The following ZMYM2 variants were observed in gnomAD, a reference collection of about 807,000 sequenced individuals.
ZMYM2 encodes zinc finger MYM-type containing 2.
Under a neutral mutation model 162.8 loss-of-function variants are expected in ZMYM2, and 56 were observed. The observed-to-expected ratio is 0.34, with a 90% confidence interval of 0.28 to 0.43. The LOEUF (loss-of-function observed/expected upper bound fraction) is 0.43, where lower values mean the gene tolerates loss of function less well. Ranked by LOEUF, ZMYM2 falls within the 20% of genes least tolerant of loss-of-function variation. ZMYM2 has a pLI of 1.00. For missense variants in ZMYM2, 1,275 were observed against 1,621.8 expected (o/e 0.79, Z 3.67); for synonymous variants, 510 against 541.6 (o/e 0.94, Z 0.81).
At position 20,052,402 on chromosome 13, in the gene ZMYM2, A is replaced by AT; in HGVS notation, c.2493+98dup. 11 of 1,286,868 alleles carry AT rather than the reference A, an allele frequency of 8.5e-6. No individual in the cohort carries two copies. In the South Asian group the frequency reaches 9.4e-5, roughly 11 times the overall value. 79.7% of individuals were successfully genotyped at this position (1,286,868 alleles called of 1,614,324 possible). ...CCAATTTAATGTGATCATAATAGTA[A>AT]TTTTTTTGGTTTTTTTTTTGCTTTA... On this transcript the variant is annotated intron_variant, in intron 14 of 24. Transcript: ENST00000610343.
chr13:19,981,744 A>G (rs968660790), intron 2 of ZMYM2, among the ~76,000 whole-genome samples: 3 of 152,058 alleles, frequency 2.0e-5, no homozygotes, highest in Non-Finnish European at 2.9e-5. Context: ...CTCCCCTTAG[A>G]TAGTTACTGT....
At chr13:19,875,483 C>G in the ZMYM2 span, among the ~76,000 whole-genome samples, 1 of 151,854 alleles carries the variant, frequency 6.6e-6, no homozygotes, top group Non-Finnish European at 1.5e-5. Flanking sequence ...CAAAAATTAG[C>G]TGGGTGTGGA....
chr13:20,063,509 G>A (rs961732211), intron 18 of ZMYM2, among the ~76,000 whole-genome samples: 2 of 151,340 alleles, frequency 1.3e-5, no homozygotes, highest in African/African-American at 2.4e-5. Context: ...ATCTGGGTGC[G>A]GTGGCTTATG....
At chr13:20,009,611 A>G (rs1251497352) in intron 6 of ZMYM2, among the ~76,000 whole-genome samples, 3 of 152,112 alleles carry the variant, frequency 2.0e-5, no homozygotes, top group Non-Finnish European at 2.9e-5. Flanking sequence ...TTCTGTCTCT[A>G]TGAATTCGTA....
rs1949235005 is a variant in ZMYM2, at chr13:19,987,270, T to C, written c.-10-5793T>C. Among the ~76,000 whole-genome samples the C allele has an allele frequency of 5.9e-5, 9 of 151,340 alleles. No individual in the cohort carries two copies. The South Asian group carries it at 1.9e-3, about 32-fold the overall frequency. Reference sequence around the variant, plus strand: ...TGTAAATAAACAATGCAGCTCTTATTTTTTTTTTCTTGAGACAGAGTCTCT... The same window carrying C: ...TGTAAATAAACAATGCAGCTCTTATCTTTTTTTTCTTGAGACAGAGTCTCT... On this transcript the variant is annotated intron_variant, in intron 2 of 24. Transcript: ENST00000610343.
At chr13:20,008,221 C>T (rs1163514197) in intron 6 of ZMYM2, among the ~76,000 whole-genome samples, 1 of 152,144 alleles carries the variant, frequency 6.6e-6, no homozygotes, top group East Asian at 1.9e-4. Flanking sequence ...TCTACTTTTC[C>T]TGGGTTCAAA....
the ZMYM2 span, among the ~76,000 whole-genome samples, chr13:19,902,567 G>A: frequency 2.0e-5 from 3 of 152,126 alleles, no homozygotes; most frequent in East Asian, 3.9e-4. Context: ...AGTGAGCCGA[G>A]ATCGTGCCAT....
chr13:20,060,328 C>T (rs951327852), intron 16 of ZMYM2, among the ~76,000 whole-genome samples: 18 of 152,254 alleles, frequency 1.2e-4, no homozygotes, highest in African/African-American at 3.9e-4. Flanking sequence ...TGACATTTCG[C>T]GGATGTCTGT....
At chr13:20,036,171 G>A (rs958522588) in intron 11 of ZMYM2, among the ~76,000 whole-genome samples, 1 of 152,036 alleles carries the variant, frequency 6.6e-6, no homozygotes, top group Non-Finnish European at 1.5e-5. Context: ...ATAAGGATAT[G>A]TAAAAATACT....
rs931743137 is a variant in ZMYM2, at chr13:20,019,252, T to G, written c.1513-295T>G. Among the ~76,000 whole-genome samples, 6 of 152,332 alleles carry G rather than the reference T, an allele frequency of 3.9e-5. No individual in the cohort carries two copies. In the East Asian group the frequency reaches 1.2e-3, roughly 29 times the overall value. ...ATCTTAGAACACTCCAAATTAGAAGTGATTTTACTCAGAAATTAGAGGTGA... is the reference window on the plus strand; with the variant it reads ...ATCTTAGAACACTCCAAATTAGAAGGGATTTTACTCAGAAATTAGAGGTGA... On this transcript the variant is annotated intron_variant, in intron 6 of 24. Coordinates refer to ENST00000610343, the MANE Select transcript of ZMYM2 (RefSeq NM_197968.4).
At chr13:20,004,999 G>A in intron 4 of ZMYM2, 75 bp from the exon 5 acceptor site, 1 of 1,267,728 alleles carries the variant, frequency 7.9e-7, no homozygotes, top group Non-Finnish European at 1.1e-6. Context: ...CTATAGAAAT[G>A]AAAAATGTCA....
chr13:20,082,514 A>T (rs1957977291), intron 22 of ZMYM2, among the ~76,000 whole-genome samples: 1 of 152,130 alleles, frequency 6.6e-6, no homozygotes, highest in Admixed American at 6.5e-5. Context: ...TTTTAAAAGG[A>T]TTTACACTGT....
At chr13:20,080,064 G>A (rs1335688166) in intron 21 of ZMYM2, among the ~76,000 whole-genome samples, 2 of 152,210 alleles carry the variant, frequency 1.3e-5, no homozygotes, top group East Asian at 3.8e-4. Flanking sequence ...GAATCATGAT[G>A]TTATATTTTA....
chr13:19,938,398 T>C, the ZMYM2 span, among the ~76,000 whole-genome samples: 1 of 152,046 alleles, frequency 6.6e-6, no homozygotes, highest in Non-Finnish European at 1.5e-5. Context: ...CACAGGAGGG[T>C]GAGGCAGGAG....
the ZMYM2 span, among the ~76,000 whole-genome samples, chr13:19,948,734 C>A: frequency 2.0e-5 from 3 of 152,132 alleles, no homozygotes; most frequent in African/African-American, 7.2e-5. Flanking sequence ...ACAAAACGTA[C>A]CACTCTGGTG....
At chr13:19,948,059 A>C in the ZMYM2 span, among the ~76,000 whole-genome samples, 1 of 152,078 alleles carries the variant, frequency 6.6e-6, no homozygotes, top group Non-Finnish European at 1.5e-5. Context: ...ATGAGATACC[A>C]CTATATACCT....
intron 12 of ZMYM2, among the ~76,000 whole-genome samples, chr13:20,037,802 G>C (rs886549237): frequency 2.0e-5 from 3 of 152,224 alleles, no homozygotes; most frequent in Non-Finnish European, 2.9e-5. Flanking sequence ...GGTAAATTTA[G>C]GTCATGGTAA....
At chr13:20,058,751 C>CAT (rs768291764) in intron 15 of ZMYM2, 47 bp downstream of exon 15, 14 of 1,601,116 alleles carry the variant, frequency 8.7e-6, no homozygotes, top group African/African-American at 5.4e-5. Flanking sequence ...ACCTTCATCT[C>CAT]ACCTAATGAA....
intron 9 of ZMYM2, among the ~76,000 whole-genome samples, chr13:20,028,532 T>G (rs957402870): frequency 6.6e-5 from 10 of 152,182 alleles, no homozygotes; most frequent in Admixed American, 6.5e-5. Flanking sequence ...ATTGTATATT[T>G]TAAGATATAC....
Sources: allele counts gnomAD v4.1 joint callset (sites outside exome capture counted in the v4.1 genomes callset), GRCh38; gene constraint gnomAD v4.1.1; transcripts MANE v1.5; gene names NCBI Gene and HGNC (gene_info 2026-07-23, HGNC 2026-07-21).